ACBD5: variants seen among roughly 807,000 people sequenced by gnomAD.
The protein encoded by ACBD5 is acyl-CoA binding domain containing 5.
A neutral mutation model predicts 71.8 loss-of-function variants in ACBD5; 40 were observed. The ratio of observed to expected loss-of-function variants is 0.56; its 90% CI spans 0.43 to 0.72. The LOEUF (loss-of-function observed/expected upper bound fraction) is 0.72. Ranked by LOEUF, ACBD5 falls within the 30% of genes least tolerant of loss-of-function variation. The probability of loss-of-function intolerance (pLI) is 0.00; values close to 1 mark genes in which losing one functional copy is unlikely to be tolerated. For missense variants in ACBD5, 559 were observed against 644.5 expected (o/e 0.87, Z 1.44); for synonymous variants, 229 against 218.6 (o/e 1.05, Z -0.42).
chr10:27,207,794 G>C (rs2060626513), intron 10 of ACBD5, among the ~76,000 whole-genome samples: 2 of 152,244 alleles, frequency 1.3e-5, no homozygotes, highest in East Asian at 1.9e-4. Context: ...GCGTGTAGTA[G>C]TGTGATCTCG....
chr10:27,222,920 T>C lies in ACBD5; in HGVS notation c.490+418A>G, dbSNP rs541172619. Among the ~76,000 whole-genome samples the C allele has an allele frequency of 6.5e-4, 99 of 152,320 alleles. 1 individual carries two copies. The highest frequency in any genetic ancestry group is 1.2e-3 in the Non-Finnish European group (80 of 68,040). ...TAGTAAATCATTGAATTCAAAGTAC[T>C]ATTAACGTAATTCTCAAAGCAAAAT... On this transcript the variant is annotated intron_variant, in intron 5 of 12. Coordinates refer to ENST00000396271, the MANE Select transcript of ACBD5 (RefSeq NM_145698.5).
At position 27,201,273 on chromosome 10, in the gene ACBD5, G is replaced by T. The variant is rs183937544; in HGVS notation, c.1565+3167C>A. Among the ~76,000 whole-genome samples, 20 of 152,282 alleles carry T rather than the reference G, an allele frequency of 1.3e-4. 1 individual carries two copies. Among genetic ancestry groups the T allele is most frequent in the Admixed American group, 1.1e-3 (17 of 15,292 alleles). ...ATAATTTTAATAGCAGAGTTGTCAG[G>T]CTAGACAACCAGGGACAGGTGTTAC... On this transcript the variant is annotated intron_variant, in intron 12 of 12. Coordinates refer to ENST00000396271, the MANE Select transcript of ACBD5 (RefSeq NM_145698.5).
intron 12 of ACBD5, among the ~76,000 whole-genome samples, chr10:27,203,850 T>C (rs190794540): frequency 6.6e-6 from 1 of 152,286 alleles, no homozygotes; most frequent in Admixed American, 6.5e-5. Context: ...TTGCCCAGGC[T>C]AGTCTCGAAC....
chr10:27,188,230 A>G (rs941753535), intron 13 of ACBD5, among the ~76,000 whole-genome samples: 1 of 152,236 alleles, frequency 6.6e-6, no homozygotes, highest in African/African-American at 2.4e-5. Context: ...GGTCACTTCT[A>G]GTAAAATGTT....
intron 12 of ACBD5, among the ~76,000 whole-genome samples, chr10:27,201,693 C>T (rs1181935776): frequency 6.6e-5 from 10 of 152,156 alleles, no homozygotes; most frequent in Non-Finnish European, 1.5e-5. Flanking sequence ...GTTCCAGCTA[C>T]TCAGGAGGCT....
chr10:27,187,508 T>C (rs143253099), intron 13 of ACBD5, among the ~76,000 whole-genome samples: 64 of 152,038 alleles, frequency 4.2e-4, no homozygotes, highest in African/African-American at 1.5e-3. Context: ...TCCCGGCACT[T>C]TGGGAGGCTG....
In ACBD5 at chr10:27,196,966, T is replaced by G. The variant is rs990255042; in HGVS notation, c.*464A>C. ...CCATGGCAACTCCGTGACTAAGATA[T>G]AAAGTCGATTACATCTCATTTGAAA... On this transcript the variant is annotated 3_prime_UTR_variant, in exon 13 of 13. Transcript: ENST00000396271. The G allele has an allele frequency of 4.4e-6, 2 of 454,236 alleles. No individual in the cohort carries two copies. Among genetic ancestry groups the G allele is most frequent in the South Asian group, 1.6e-5 (1 of 64,460 alleles). The allele number at this position is 454,236 out of a possible 1,614,324, so 28.1% of individuals were successfully genotyped here. A position where few individuals can be genotyped will look rare whatever the true frequency, so the allele number is the denominator to read the frequency against.
At chr10:27,208,527 T>G (rs2060714583) in intron 9 of ACBD5, 82 bp from the exon 10 acceptor site, 2 of 1,500,110 alleles carry the variant, frequency 1.3e-6, no homozygotes, top group Non-Finnish European at 1.8e-6. Flanking sequence ...TCCTCTGTTA[T>G]TTCTTTGAGA....
intron 3 of ACBD5, among the ~76,000 whole-genome samples, chr10:27,233,546 C>T (rs1051453926): frequency 4.6e-5 from 7 of 151,730 alleles, no homozygotes; most frequent in African/African-American, 1.5e-4. Context: ...ATGCAAACCC[C>T]GTCTAGGAAA....
Position 27,231,832 on chromosome 10 carries a change from A to C in ACBD5, c.303-12T>G, listed in dbSNP as rs367611825. The C allele has an allele frequency of 4.3e-6, 7 of 1,612,084 alleles. No individual in the cohort carries two copies. The highest frequency in any genetic ancestry group is 5.9e-6 in the Non-Finnish European group (7 of 1,178,672). On this transcript the variant is annotated splice_polypyrimidine_tract_variant and intron_variant, in intron 3 of 12. Transcript: ENST00000396271. The stretch of plus-strand genomic sequence containing the variant: ...AACTCCAAGCATCCCTAGAAATGAA[A>C]GTATCCACAAAATGACAAAGAGACA...
chr10:27,218,935 C>T (rs938274799), intron 6 of ACBD5, among the ~76,000 whole-genome samples: 12 of 152,060 alleles, frequency 7.9e-5, no homozygotes, highest in Admixed American at 3.9e-4. Flanking sequence ...ACAGTCTTCC[C>T]GTGTGTTATT....
At chr10:27,205,379 A>T in intron 10 of ACBD5, 131 bp from the exon 11 acceptor site, 2 of 836,122 alleles carry the variant, frequency 2.4e-6, no homozygotes, top group Middle Eastern at 3.7e-4. Flanking sequence ...CTTTATGTAT[A>T]GAACAGTTGG....
Position 27,202,969 on chromosome 10 carries a change from CTTTTTTTTTTTTTTTT to C in ACBD5, c.1565+1455_1565+1470del. Among the ~76,000 whole-genome samples, 2 of 70,780 alleles carry C rather than the reference CTTTTTTTTTTTTTTTT, an allele frequency of 2.8e-5. 1 individual carries two copies. Among genetic ancestry groups the C allele is most frequent in the African/African-American group, 1.2e-4 (2 of 16,776 alleles). 46.4% of individuals were successfully genotyped at this position (70,780 alleles called of 152,430 possible). A position where few individuals can be genotyped will look rare whatever the true frequency, so the allele number is the denominator to read the frequency against. On this transcript the variant is annotated intron_variant, in intron 12 of 12. Coordinates refer to ENST00000396271, the MANE Select transcript of ACBD5 (RefSeq NM_145698.5). Reference sequence around the variant, plus strand: ...GGATTTAAATTCAGGTCTATATCCTCTTTTTTTTTTTTTTTTTTTTTTTTGAGACAGTCTCACTCTG... The same window carrying C: ...GGATTTAAATTCAGGTCTATATCCTCTTTTTTTTGAGACAGTCTCACTCTG...
chr10:27,213,936 G>T (rs1212318743), intron 8 of ACBD5, among the ~76,000 whole-genome samples: 1 of 152,040 alleles, frequency 6.6e-6, no homozygotes, highest in Non-Finnish European at 1.5e-5. Context: ...ATGAACAGAC[G>T]AATGGATAAA....
intron 12 of ACBD5, among the ~76,000 whole-genome samples, chr10:27,203,550 C>G (rs2060151718): frequency 6.6e-6 from 1 of 152,038 alleles, no homozygotes; most frequent in African/African-American, 2.4e-5. Context: ...ACCAGTCTGG[C>G]CAACATGATG....
At chr10:27,200,336 T>C (rs551075922) in intron 12 of ACBD5, among the ~76,000 whole-genome samples, 27 of 152,292 alleles carry the variant, frequency 1.8e-4, no homozygotes, top group Non-Finnish European at 3.4e-4. Flanking sequence ...GTCAGGAAGT[T>C]ACCCTATATG....
At chr10:27,189,513 A>G (rs1408520366) in intron 13 of ACBD5, among the ~76,000 whole-genome samples, 2 of 151,826 alleles carry the variant, frequency 1.3e-5, no homozygotes, top group Non-Finnish European at 2.9e-5. Flanking sequence ...TCAGCAAACT[A>G]TCGCAAGGAT....
chr10:27,235,877 C>G (rs1421353772), intron 2 of ACBD5, among the ~76,000 whole-genome samples: 6 of 152,128 alleles, frequency 3.9e-5, no homozygotes, highest in Non-Finnish European at 5.9e-5. Flanking sequence ...CTTTGTGAGG[C>G]TGAGGTGGGT....
Position 27,240,419 on chromosome 10 carries a change from G to A in ACBD5, c.81C>T (p.Asp27=). The A allele has an allele frequency of 6.2e-7, 1 of 1,614,102 alleles. No individual in the cohort carries two copies. The change falls in exon 2 of 13, where the codon GAC becomes GAT. Residue 27 remains aspartate (D), a synonymous_variant. Coordinates refer to ENST00000396271, the MANE Select transcript of ACBD5 (RefSeq NM_145698.5). The surrounding 1 kb of genome is among the most constrained non-coding windows in gnomAD (Gnocchi z 4.1). ...TCTCCAGCTGCCAGTGTTGGCCCCG[G>A]TCCCAAGGTCTGTCGGCGGGAATCA... The part of the protein sequence containing the change: ...CCLIPADRPW[D]RGQHWQLEMA...
Sources: allele counts gnomAD v4.1 joint callset (sites outside exome capture counted in the v4.1 genomes callset), GRCh38; gene constraint gnomAD v4.1.1; non-coding constraint Gnocchi (gnomAD v3.1); transcripts MANE v1.5; gene names NCBI Gene and HGNC (gene_info 2026-07-23, HGNC 2026-07-21).